Variants in UBE2D3 observed in about 807,000 individuals in gnomAD.
UBE2D3 encodes the protein ubiquitin-conjugating enzyme E2 D3.
In UBE2D3, 2 loss-of-function variants were observed where a neutral mutation model predicts 22.8. That is an observed-to-expected ratio of 0.09 (90% CI 0.04 to 0.28). The LOEUF (loss-of-function observed/expected upper bound fraction) is 0.28. UBE2D3 is among the 10% of genes least tolerant of loss of function. UBE2D3 has a pLI of 1.00. For missense variants in UBE2D3, 27 were observed against 182.5 expected (o/e 0.15, Z 4.91); for synonymous variants, 56 against 60.4 (o/e 0.93, Z 0.34).
intron 1 of UBE2D3, among the ~76,000 whole-genome samples, chr4:102,857,850 T>C (rs223348): frequency 0.57 from 85,592 of 151,472 alleles, 25,813 homozygotes; most frequent in African/African-American, 0.77. Flanking sequence ...TGCACCACCA[T>C]GCCTGGCTAA....
chr4:102,799,053 T>G, intron 7 of UBE2D3: 1 of 1,466,182 alleles, frequency 6.8e-7, no homozygotes, highest in Non-Finnish European at 9.5e-7. Context: ...TAAATATAAT[T>G]CAAATATTTG....
chr4:102,818,750 C>T (rs1305120870), intron 2 of UBE2D3, among the ~76,000 whole-genome samples: 2 of 147,988 alleles, frequency 1.4e-5, no homozygotes, highest in Non-Finnish European at 3.0e-5. Context: ...GGTTTGGTCA[C>T]TATTTTTTTT....
At chr4:102,826,840 G>A (rs533321180) in intron 1 of UBE2D3, 1,218 of 1,167,618 alleles carry the variant, frequency 1.0e-3, no homozygotes, top group Non-Finnish European at 1.2e-3. Context: ...TTAACTTCCC[G>A]GCCTCTAGAA....
Position 102,805,138 on chromosome 4 carries a change from G to A in UBE2D3, c.121-2500C>T, listed in dbSNP as rs547049046. Among the ~76,000 whole-genome samples, 11 of 152,070 alleles carry A rather than the reference G, an allele frequency of 7.2e-5. No homozygotes were observed. The South Asian group carries it at 1.7e-3, about 23-fold the overall frequency. ...AAGCCAAATTTCGTTTCGTTTGTTC[G>A]AAAAAAGAACTTTATAAAGAAGGCA... On this transcript the variant is annotated intron_variant, in intron 4 of 7. Coordinates refer to ENST00000453744, the MANE Select transcript of UBE2D3 (RefSeq NM_181891.3).
intron 6 of UBE2D3, 103 bp downstream of exon 6, chr4:102,801,351 C>T (rs772382135): frequency 1.2e-5 from 12 of 966,358 alleles, no homozygotes; most frequent in Non-Finnish European, 1.8e-5. Flanking sequence ...GCTTCCCCAT[C>T]TCTTACCAAA....
upstream of UBE2D3, among the ~76,000 whole-genome samples, chr4:102,829,280 A>T (rs922766331): frequency 1.3e-5 from 2 of 152,146 alleles, no homozygotes; most frequent in African/African-American, 2.4e-5. Flanking sequence ...TGAAGTGCTT[A>T]CCTCATGGCC....
intron 2 of UBE2D3, among the ~76,000 whole-genome samples, chr4:102,813,660 A>G (rs535494353): frequency 6.6e-6 from 1 of 152,248 alleles, no homozygotes; most frequent in African/African-American, 2.4e-5. Flanking sequence ...CAACTTGGTG[A>G]GAGCACTCCT....
chr4:102,837,769 G>C (rs2110352251), intron 1 of UBE2D3, among the ~76,000 whole-genome samples: 1 of 152,280 alleles, frequency 6.6e-6, no homozygotes, highest in South Asian at 2.1e-4. Flanking sequence ...GGCTAACATG[G>C]TGAAAACCCA....
chr4:102,853,450 T>G (rs976034370), intron 1 of UBE2D3, among the ~76,000 whole-genome samples: 6 of 152,172 alleles, frequency 3.9e-5, no homozygotes, highest in Non-Finnish European at 7.3e-5. Context: ...TCATAAGGTC[T>G]AGTAAAATAA....
intron 1 of UBE2D3, 167 bp from the exon 2 acceptor site, chr4:102,826,803 G>A: frequency 8.0e-7 from 1 of 1,246,770 alleles, no homozygotes; most frequent in South Asian, 2.4e-5. Flanking sequence ...GAGGGTGACG[G>A]GAAGAGCGGA....
chr4:102,850,935 G>T (rs1327785596), intron 1 of UBE2D3, among the ~76,000 whole-genome samples: 3 of 151,130 alleles, frequency 2.0e-5, no homozygotes, highest in African/African-American at 7.3e-5. Context: ...TTTGTTGGGG[G>T]CGGGTGAGAG....
chr4:102,830,459 AAAT>A (rs1285412567), upstream of UBE2D3, among the ~76,000 whole-genome samples: 1 of 152,276 alleles, frequency 6.6e-6, no homozygotes, highest in Non-Finnish European at 1.5e-5. Flanking sequence ...AATTAACTAA[AAAT>A]AATCCCTTCC....
At chr4:102,841,405 C>T (rs1462301127) in intron 1 of UBE2D3, among the ~76,000 whole-genome samples, 2 of 151,884 alleles carry the variant, frequency 1.3e-5, no homozygotes, top group Admixed American at 1.3e-4. Flanking sequence ...TAACCTTGTC[C>T]AGATTTCTAA....
intron 6 of UBE2D3, among the ~76,000 whole-genome samples, chr4:102,800,045 CTAAG>C (rs1409483316): frequency 8.5e-5 from 13 of 152,098 alleles, no homozygotes; most frequent in East Asian, 1.9e-4. Context: ...CTCTTTAGTA[CTAAG>C]TGAGTCATCA....
chr4:102,866,217 T>C (rs1214083314), intron 1 of UBE2D3, among the ~76,000 whole-genome samples: 2 of 152,208 alleles, frequency 1.3e-5, no homozygotes, highest in Admixed American at 6.5e-5. Context: ...ATACCTAATA[T>C]ATGATCCACA....
At chr4:102,838,088 C>T (rs548473854) in intron 1 of UBE2D3, among the ~76,000 whole-genome samples, 1 of 152,214 alleles carries the variant, frequency 6.6e-6, no homozygotes, top group Admixed American at 6.5e-5. Context: ...TGCTGCACTC[C>T]TACCTGGTGA....
intron 2 of UBE2D3, among the ~76,000 whole-genome samples, chr4:102,823,528 T>C (rs144375479): frequency 9.8e-5 from 15 of 152,304 alleles, no homozygotes; most frequent in African/African-American, 3.6e-4. Flanking sequence ...GTGTATACAA[T>C]GAAAACATGA....
intron 7 of UBE2D3, chr4:102,798,949 C>T: frequency 6.2e-7 from 1 of 1,611,976 alleles, no homozygotes; most frequent in South Asian, 1.1e-5. Flanking sequence ...GCGTATTTCT[C>T]TGTCCACTCT....
At chr4:102,820,455 G>T (rs546016305) in intron 2 of UBE2D3, among the ~76,000 whole-genome samples, 1 of 152,164 alleles carries the variant, frequency 6.6e-6, no homozygotes, top group Non-Finnish European at 1.5e-5. Context: ...AGTAGGCACT[G>T]CACAGTATCT....
Sources: gnomAD v4.1 joint callset for allele counts (sites outside exome capture counted in the v4.1 genomes callset) on GRCh38, gnomAD v4.1.1 for gene constraint, MANE v1.5 for transcripts, NCBI Gene and HGNC (gene_info 2026-07-23, HGNC 2026-07-21) for gene names.